Variants in MMD2 observed in about 807,000 individuals in gnomAD.
MMD2 encodes the protein monocyte to macrophage differentiation associated 2, also known as monocyte to macrophage differentiation factor 2.
MMD2 carries 30 observed loss-of-function variants against 33.5 expected under a neutral mutation model. The observed-to-expected ratio is 0.90, with a 90% confidence interval of 0.67 to 1.22. MMD2 has a LOEUF of 1.22. Among genes scored for constraint, MMD2 ranks in the 50% most tolerant of loss-of-function variants. MMD2 has a pLI of 0.00. For synonymous variants in MMD2, 129 were observed against 123.0 expected, an observed-to-expected ratio of 1.05 and a Z score of -0.32; for missense variants, 364 against 325.4, an observed-to-expected ratio of 1.12 and a Z score of -0.91.
At chr7:4,921,078 T>C (rs1785271413) in intron 2 of MMD2, among the ~76,000 whole-genome samples, 1 of 152,182 alleles carries the variant, frequency 6.6e-6, no homozygotes, top group African/African-American at 2.4e-5. Flanking sequence ...AGTGCAGGTC[T>C]AGATCTTTGA....
rs1485636164 is a variant in MMD2 at position 4,946,679 on chromosome 7, A to G, written c.47+12292T>C. On this transcript the variant is annotated intron_variant, in intron 1 of 6. Transcript: ENST00000401401. This position sits in a 1 kb window ranked among gnomAD's most constrained non-coding sequence, Gnocchi z 5.0. ...GCACCACGGGTGGCAGGTCTACCAG[A>G]TATCTCCCAGTAAGATGAAGTACAC... 6.6e-6 allele frequency among the ~76,000 whole-genome samples: 1 copy of G among 152,106 alleles called. No individual in the cohort carries two copies. The highest frequency in any genetic ancestry group is 6.6e-5 in the Admixed American group (1 of 15,262).
intron 2 of MMD2, among the ~76,000 whole-genome samples, chr7:4,923,621 T>C (rs1785342256): frequency 6.6e-6 from 1 of 152,156 alleles, no homozygotes; most frequent in African/African-American, 2.4e-5. Flanking sequence ...AGCTTTATTT[T>C]TGGGGTGCAG....
chr7:4,898,764 T>C, the MMD2 span, among the ~76,000 whole-genome samples: 1 of 152,158 alleles, frequency 6.6e-6, no homozygotes, highest in Admixed American at 6.6e-5. Flanking sequence ...CTGGGCTCCA[T>C]GGTACGCATC....
At chr7:4,945,668 G>C (rs1232374739) in intron 1 of MMD2, among the ~76,000 whole-genome samples, 1 of 152,042 alleles carries the variant, frequency 6.6e-6, no homozygotes, top group Non-Finnish European at 1.5e-5. Flanking sequence ...TCTGCCTCCA[G>C]GGTTCAAACG....
rs372536029 is a variant in MMD2 at position 4,920,282 on chromosome 7, G to C, written c.179C>G (p.Ser60Trp). Residue 60 changes from serine to tryptophan, a missense_variant, in exon 3 of 7, where the codon TCG becomes TGG. By Grantham distance (177) the Ser-to-Trp change is radical. Coordinates refer to ENST00000401401, the MANE Select transcript of MMD2 (RefSeq NM_198403.4). ...ILGSSNLYFL[S>W]DDDWETISAW... ...AGAGATGGTCTCCCAGTCATCGTCC[G>C]ACAGGAAGTAGAGGTTGGAGCTGCC... The C allele has an allele frequency of 6.2e-7, 1 of 1,608,352 alleles. No homozygotes were observed. The highest frequency in any genetic ancestry group is 1.7e-5 in the Admixed American group (1 of 59,104).
intron 1 of MMD2, among the ~76,000 whole-genome samples, chr7:4,935,259 G>A (rs1366281931): frequency 1.3e-5 from 2 of 151,946 alleles, no homozygotes; most frequent in South Asian, 2.1e-4. Flanking sequence ...AGGGTGAGGC[G>A]AGAGGATCAT....
chr7:4,954,969 A>C (rs1038704582), intron 1 of MMD2, among the ~76,000 whole-genome samples: 5 of 152,180 alleles, frequency 3.3e-5, no homozygotes, highest in Non-Finnish European at 5.9e-5. Context: ...CCACTTATCC[A>C]ATAGATCATC....
Position 4,959,008 on chromosome 7 carries a change from G to A in MMD2, c.10C>T (p.Pro4Ser). 7.9e-7 allele frequency: 1 copy of A among 1,272,968 alleles called. No homozygotes were observed. Among genetic ancestry groups the A allele is most frequent in the Non-Finnish European group, 1.0e-6 (1 of 1,001,632 alleles). 78.9% of individuals were successfully genotyped at this position (1,272,968 alleles called of 1,614,324 possible). Residue 4 changes from proline to serine, a missense_variant, in exon 1 of 7, where the codon CCC (proline) becomes TCC (serine). Transcript: ENST00000401401. ...GTCTTCTGGAAATCCAGCAGCCGGG[G>A]GGCGAACATCGCGGCGCTTCCATGG... is the stretch of plus-strand genomic sequence containing the variant. MFA[P>S]RLLDFQKTKY...
Position 4,920,328 on chromosome 7 carries a change from A to T in MMD2, c.133T>A (p.Trp45Arg). The T allele has an allele frequency of 6.2e-7, 1 of 1,607,984 alleles. No individual in the cohort carries two copies. The highest frequency in any genetic ancestry group is 8.5e-7 in the Non-Finnish European group (1 of 1,177,648). Residue 45 changes from tryptophan (W) to arginine (R), a missense_variant, in exon 3 of 7, where the codon TGG (tryptophan) becomes AGG (arginine). Transcript: ENST00000401401. ...HAANCATHAF[W>R]IIPSILGSSN... ...CTGCCCAGGATGCTGGGGATGATCC[A>T]GAACTGGAGGGGCAGGGACGGCAGG... is the stretch of plus-strand genomic sequence containing the variant.
chr7:4,910,485 CGAAAGAA>C (rs1784977948), intron 5 of MMD2, among the ~76,000 whole-genome samples: 1 of 152,096 alleles, frequency 6.6e-6, no homozygotes, highest in African/African-American at 2.4e-5. Flanking sequence ...CCCCATCACT[CGAAAGAA>C]TGGGAATACA....
Position 4,937,920 on chromosome 7 carries a change from A to G in MMD2, c.48-12388T>C, listed in dbSNP as rs1006591282. Among the ~76,000 whole-genome samples, 45 of 148,236 alleles carry G rather than the reference A, an allele frequency of 3.0e-4. 2 individuals are homozygous for G. Among genetic ancestry groups the G allele is most frequent in the Non-Finnish European group, 5.9e-5 (4 of 67,554 alleles). ...TCCTTTGGCCTCCCAAAGCACTGAG[A>G]TTACAGGCATGAGCCACATCACCTG... is the stretch of plus-strand genomic sequence containing the variant. On this transcript the variant is annotated intron_variant, in intron 1 of 6. Transcript: ENST00000401401.
chr7:4,911,216 G>T lies in MMD2; in HGVS notation c.396C>A (p.Ala132=). 6.3e-7 allele frequency: 1 copy of T among 1,598,416 alleles called. No homozygotes were observed. The highest frequency in any genetic ancestry group is 8.5e-7 in the Non-Finnish European group (1 of 1,173,060). Residue 132 remains alanine, a synonymous_variant, in exon 5 of 7, where the codon GCC becomes GCA. Coordinates refer to ENST00000401401, the MANE Select transcript of MMD2 (RefSeq NM_198403.4). ...TCCAGACCAGCCAGCGCATGTGGGA[G>T]GCCCAGGGGCCCAGCTCCCGAAGGT... The part of the protein sequence containing the change: ...WLNLRELGPW[A]SHMRWLVWIM...
chr7:4,918,202 G>GTT (rs1443906011), intron 3 of MMD2, among the ~76,000 whole-genome samples: 3 of 152,192 alleles, frequency 2.0e-5, no homozygotes, highest in Non-Finnish European at 4.4e-5. Flanking sequence ...TTGAGACAGA[G>GTT]TAAGTGTTTC....
At position 4,911,129 on chromosome 7, in the gene MMD2, C is replaced by A. The variant is rs760383974; in HGVS notation, c.467+16G>T. The A allele has an allele frequency of 6.4e-7, 1 of 1,562,412 alleles. No individual in the cohort carries two copies. The highest frequency in any genetic ancestry group is 1.7e-4 in the Middle Eastern group (1 of 6,004). ...AAGGGAATCCCGCCTCCCTGAAGCCCCCAGGCCTGGCTTACCGCTCATGGA... is the reference window on the plus strand; with the variant it reads ...AAGGGAATCCCGCCTCCCTGAAGCCACCAGGCCTGGCTTACCGCTCATGGA... On this transcript the variant is annotated intron_variant, in intron 5 of 6. Coordinates refer to ENST00000401401, the MANE Select transcript of MMD2 (RefSeq NM_198403.4).
intron 3 of MMD2, among the ~76,000 whole-genome samples, chr7:4,916,811 CTGTAATTCCAG>C (rs1785155274): frequency 6.6e-6 from 1 of 152,086 alleles, no homozygotes; most frequent in African/African-American, 2.4e-5. Context: ...TGGCTCACAC[CTGTAATTCCAG>C]AGCGTTGGGA....
chr7:4,910,089 C>T (rs773153013), intron 5 of MMD2, 139 bp from the exon 6 acceptor site: 253 of 1,577,328 alleles, frequency 1.6e-4, no homozygotes, highest in Non-Finnish European at 2.1e-4. Flanking sequence ...GTCCAGCACG[C>T]CTTGGCTCAG....
At chr7:4,894,623 G>A in the MMD2 span, among the ~76,000 whole-genome samples, 21 of 152,162 alleles carry the variant, frequency 1.4e-4, 1 homozygote, top group East Asian at 1.9e-4. This position sits in a 1 kb window ranked among gnomAD's most constrained non-coding sequence, Gnocchi z 4.3. Flanking sequence ...CTTCGTGGGC[G>A]GGAACTGGAA....
At chr7:4,948,388 G>T (rs1289495431) in intron 1 of MMD2, among the ~76,000 whole-genome samples, 5 of 152,088 alleles carry the variant, frequency 3.3e-5, no homozygotes, top group Admixed American at 6.6e-5. Context: ...GGACGTGGTG[G>T]CGCACATGCC....
chr7:4,934,181 C>T (rs551029771), intron 1 of MMD2, among the ~76,000 whole-genome samples: 9 of 152,256 alleles, frequency 5.9e-5, no homozygotes, highest in South Asian at 2.1e-4. Flanking sequence ...CTGCCCACCT[C>T]GGCCTCCCAA....
Sources: gnomAD v4.1 joint callset for allele counts (sites outside exome capture counted in the v4.1 genomes callset) on GRCh38, gnomAD v4.1.1 for gene constraint, Gnocchi (gnomAD v3.1) non-coding constraint, MANE v1.5 for transcripts, NCBI Gene and HGNC (gene_info 2026-07-23, HGNC 2026-07-21) for gene names.